The following DEK variants were observed in gnomAD, a reference collection of about 807,000 sequenced individuals.
The protein encoded by DEK is protein DEK.
A neutral mutation model predicts 46.8 loss-of-function variants in DEK; 28 were observed. That is an observed-to-expected ratio of 0.60 (90% CI 0.44 to 0.82). DEK has a LOEUF of 0.82. Ranked by LOEUF, DEK falls within the 40% of genes least tolerant of loss-of-function variation. The pLI, the probability that DEK is intolerant of heterozygous loss-of-function variation, is 0.00. For synonymous variants in DEK, 160 were observed against 144.5 expected (o/e 1.11, Z -0.77); for missense variants, 416 against 430.6 (o/e 0.97, Z 0.30).
chr6:18,233,680 C>A (rs1371600407), intron 9 of DEK, among the ~76,000 whole-genome samples: 1 of 152,076 alleles, frequency 6.6e-6, no homozygotes, highest in Non-Finnish European at 1.5e-5. Context: ...TGGAGATCAT[C>A]AAAAAGTCAG....
intron 9 of DEK, among the ~76,000 whole-genome samples, chr6:18,231,672 G>A (rs1315462593): frequency 4.6e-5 from 7 of 152,160 alleles, no homozygotes; most frequent in Non-Finnish European, 8.8e-5. Flanking sequence ...CCAGGAAGAA[G>A]TTGAATCTGA....
chr6:18,258,224 T>G, intron 3 of DEK, 80 bp downstream of exon 3: 1 of 1,270,070 alleles, frequency 7.9e-7, no homozygotes, highest in Non-Finnish European at 1.1e-6. Context: ...ACTACCTTGC[T>G]GATACTAAGC....
intron 9 of DEK, among the ~76,000 whole-genome samples, chr6:18,233,748 G>A (rs1340458439): frequency 1.3e-5 from 1 of 77,814 alleles, no homozygotes; most frequent in Non-Finnish European, 2.5e-5. Flanking sequence ...CACTGCTGGT[G>A]GGACTTTAAC....
chr6:18,248,613 GT>G (rs1253873443), intron 7 of DEK, among the ~76,000 whole-genome samples: 1 of 151,886 alleles, frequency 6.6e-6, no homozygotes, highest in East Asian at 1.9e-4. Flanking sequence ...CTTTATAGAA[GT>G]CTTTATAAAA....
Position 18,232,881 on chromosome 6 carries a change from G to A in DEK, c.1047+3571C>T, listed in dbSNP as rs112644982. Among the ~76,000 whole-genome samples, 332 of 152,212 alleles carry A rather than the reference G, an allele frequency of 2.2e-3. 1 individual carries two copies. The highest frequency in any genetic ancestry group is 2.4e-3 in the African/African-American group (99 of 41,530). ...TTCATATGGAATCAAAAAAGAGCCC[G>A]CATTGCCAAAACAATCTTAAGCCAA... On this transcript the variant is annotated intron_variant, in intron 9 of 10. Coordinates refer to ENST00000652689, the MANE Select transcript of DEK (RefSeq NM_003472.4).
At chr6:18,252,027 T>G (rs914546255) in intron 6 of DEK, among the ~76,000 whole-genome samples, 1 of 152,076 alleles carries the variant, frequency 6.6e-6, no homozygotes, top group African/African-American at 2.4e-5. Context: ...ACTCCAAAAA[T>G]AGTTAAATCT....
At chr6:18,255,695 A>T in intron 6 of DEK, 36 bp downstream of exon 6, 1 of 1,578,828 alleles carries the variant, frequency 6.3e-7, no homozygotes. Flanking sequence ...GGCTATGAAT[A>T]ACTGATTTAT....
chr6:18,243,959 G>A (rs777915346), intron 7 of DEK, among the ~76,000 whole-genome samples: 2 of 152,004 alleles, frequency 1.3e-5, no homozygotes, highest in African/African-American at 4.8e-5. Flanking sequence ...AGAGTAAGAC[G>A]TACGACTCTG....
At chr6:18,240,127 ACAT>A (rs1790838793) in intron 7 of DEK, among the ~76,000 whole-genome samples, 1 of 152,224 alleles carries the variant, frequency 6.6e-6, no homozygotes, top group Admixed American at 6.5e-5. Context: ...ACACAACATG[ACAT>A]CATTTTAAAA....
chr6:18,250,485 CA>C (rs1016850370), intron 6 of DEK, among the ~76,000 whole-genome samples: 2 of 147,166 alleles, frequency 1.4e-5, no homozygotes, highest in African/African-American at 5.0e-5. Context: ...ACACAAAAAG[CA>C]AAAAACAAAA....
At chr6:18,243,694 C>T (rs1214589548) in intron 7 of DEK, among the ~76,000 whole-genome samples, 2 of 152,308 alleles carry the variant, frequency 1.3e-5, no homozygotes, top group East Asian at 1.9e-4. Context: ...TCCTATAATG[C>T]TAAGTATCAA....
rs1425311183 is a variant in DEK at position 18,263,871 on chromosome 6, G to A, written c.117C>T (p.Asp39=). 3 of 1,611,684 alleles carry A rather than the reference G, an allele frequency of 1.9e-6. No individual in the cohort carries two copies. The highest frequency in any genetic ancestry group is 2.2e-5 in the East Asian group (1 of 44,558). Residue 39 remains aspartate (D), a synonymous_variant, in exon 2 of 11, where the codon GAC becomes GAT. Transcript: ENST00000652689. Reference sequence around the variant, plus strand: ...TTTCCTCCTCCTCCTCCTCCTCGTCGTCCTCGTCCTCTTCCTCCTCGCTCT... The same window carrying A: ...TTTCCTCCTCCTCCTCCTCCTCGTCATCCTCGTCCTCTTCCTCCTCGCTCT... ...REESEEEEDE[D]DEEEEEEEKE... is the part of the protein sequence containing the mutation.
At chr6:18,256,550 A>AGTGAGTCTGTTAATCTCATTTAATCCT in intron 4 of DEK, 95 bp from the exon 5 acceptor site, 1 of 997,292 alleles carries the variant, frequency 1.0e-6, no homozygotes. Context: ...CTTTATTTTC[A>AGTGAGTCTGTTAATCTCATTTAATCCT]TACCTGTCTG....
intron 2 of DEK, among the ~76,000 whole-genome samples, chr6:18,259,511 T>A (rs1338003332): frequency 1.3e-5 from 2 of 150,064 alleles, no homozygotes; most frequent in Non-Finnish European, 3.0e-5. Flanking sequence ...ATTTTTTGAA[T>A]GAAATAAAGT....
At chr6:18,233,680 CA>C (rs1326056509) in intron 9 of DEK, among the ~76,000 whole-genome samples, 2 of 152,076 alleles carry the variant, frequency 1.3e-5, no homozygotes, top group African/African-American at 4.8e-5. Flanking sequence ...TGGAGATCAT[CA>C]AAAAGTCAGG....
At chr6:18,262,024 T>G (rs1791894526) in intron 2 of DEK, among the ~76,000 whole-genome samples, 1 of 152,154 alleles carries the variant, frequency 6.6e-6, no homozygotes, top group South Asian at 2.1e-4. Flanking sequence ...AGATCCCTCA[T>G]GAACGGCTTA....
At chr6:18,246,030 C>A (rs552785874) in intron 7 of DEK, among the ~76,000 whole-genome samples, 1 of 152,310 alleles carries the variant, frequency 6.6e-6, no homozygotes, top group African/African-American at 2.4e-5. Context: ...GTGAGGCCAC[C>A]CCAGCCATGT....
Position 18,227,588 on chromosome 6 carries a change from T to C in DEK, c.1048-1346A>G, listed in dbSNP as rs200815817. Among the ~76,000 whole-genome samples, 19 of 152,034 alleles carry C rather than the reference T, an allele frequency of 1.2e-4. No individual in the cohort carries two copies. The East Asian group carries it at 3.5e-3, about 28-fold the overall frequency. ...CTCCGTATACTGAACGCTGGTCCCC[T>C]GAGTCCCCTTATTTCTTTCTCTATA... On this transcript the variant is annotated intron_variant, in intron 9 of 10. Coordinates refer to ENST00000652689, the MANE Select transcript of DEK (RefSeq NM_003472.4).
At chr6:18,244,039 T>A (rs1791004430) in intron 7 of DEK, among the ~76,000 whole-genome samples, 1 of 152,190 alleles carries the variant, frequency 6.6e-6, no homozygotes, top group Non-Finnish European at 1.5e-5. Flanking sequence ...ACTTTAGTGA[T>A]TATAATAAAA....
Sources: gnomAD v4.1 joint callset for allele counts (sites outside exome capture counted in the v4.1 genomes callset) on GRCh38, gnomAD v4.1.1 for gene constraint, MANE v1.5 for transcripts, NCBI Gene and HGNC (gene_info 2026-07-23, HGNC 2026-07-21) for gene names.